Variants in PCDHGA5 observed in about 807,000 individuals in gnomAD.
PCDHGA5 encodes protocadherin gamma subfamily A, 5.
Under a neutral mutation model 56.7 loss-of-function variants are expected in PCDHGA5, and 36 were observed. That is an observed-to-expected ratio of 0.64 (90% confidence interval 0.49 to 0.84). The LOEUF (loss-of-function observed/expected upper bound fraction) is 0.84. PCDHGA5 is among the 40% of genes least tolerant of loss of function. The pLI is 0.00. For missense variants in PCDHGA5, 1,305 were observed against 1,201.5 expected, an observed-to-expected ratio of 1.09 and a Z score of -1.27; for synonymous variants, 563 against 520.2, an observed-to-expected ratio of 1.08 and a Z score of -1.12.
Position 141,489,941 on chromosome 5 carries a change from A to G in PCDHGA5, c.2422-4866A>G. Reference sequence around the variant, plus strand: ...ACCCTTATCTCTGTCATCGTGCTGGACATCAATGATAATGCTCCAACCTTC... The same window carrying G: ...ACCCTTATCTCTGTCATCGTGCTGGGCATCAATGATAATGCTCCAACCTTC... On this transcript the variant is annotated intron_variant, in intron 1 of 3. Transcript: ENST00000518069. The surrounding 1 kb of genome is among the most constrained non-coding windows in gnomAD (Gnocchi z 4.5). 1.2e-6 allele frequency: 2 copies of G among 1,614,228 alleles called. No homozygotes were observed. The highest frequency in any genetic ancestry group is 1.7e-6 in the Non-Finnish European group (2 of 1,180,034).
At chr5:141,381,831 T>C (rs1313642722) in intron 1 of PCDHGA5, among the ~76,000 whole-genome samples, 7 of 136,370 alleles carry the variant, frequency 5.1e-5, no homozygotes, top group African/African-American at 2.0e-4. Context: ...TTCTTCTTTT[T>C]TTTTTTTTTT....
chr5:141,372,816 T>C lies in PCDHGA5; in HGVS notation c.2421+6065T>C, dbSNP rs1480093678. The C allele has an allele frequency of 3.2e-6, 5 of 1,580,556 alleles. No homozygotes were observed. In the Admixed American group the frequency reaches 9.1e-5, roughly 29 times the overall value. On this transcript the variant is annotated intron_variant, in intron 1 of 3. Transcript: ENST00000518069. ...TTCAGGCAATTTGCAAAAGGTGAGTTTCTTCAAACCTTTCCTTCCATAAAT... is the reference window on the plus strand; with the variant it reads ...TTCAGGCAATTTGCAAAAGGTGAGTCTCTTCAAACCTTTCCTTCCATAAAT...
intron 2 of PCDHGA5, among the ~76,000 whole-genome samples, chr5:141,498,277 G>T (rs1216561939): frequency 6.6e-6 from 1 of 151,924 alleles, no homozygotes; most frequent in African/African-American, 2.4e-5. Flanking sequence ...CAGTAAACTT[G>T]GTTCAAGATC....
intron 1 of PCDHGA5, chr5:141,441,126 C>T (rs1319809408): frequency 6.6e-6 from 1 of 152,062 alleles, no homozygotes; most frequent in Non-Finnish European, 1.5e-5. Context: ...CAGTTGAGAC[C>T]GAATTTCTAG....
In PCDHGA5 at chr5:141,453,101, TTTTTG is replaced by T. The variant is rs879618609; in HGVS notation, c.2422-41681_2422-41677del. ...GTTGATTAGTATATTTTCTGTTGCT[TTTTTG>T]TTTTGTTTTGTTTTGTTTTGTTTTT... On this transcript the variant is annotated intron_variant, in intron 1 of 3. Transcript: ENST00000518069. 4.4e-4 allele frequency among the ~76,000 whole-genome samples: 67 copies of T among 152,130 alleles called. 1 individual carries two copies. Among genetic ancestry groups the T allele is most frequent in the African/African-American group, 1.4e-3 (58 of 41,484 alleles).
Position 141,485,598 on chromosome 5 carries a change from T to C in PCDHGA5, c.2422-9209T>C, listed in dbSNP as rs931717579. 25 of 1,612,028 alleles carry C rather than the reference T, an allele frequency of 1.6e-5. No individual in the cohort carries two copies. Among genetic ancestry groups the C allele is most frequent in the African/African-American group, 2.7e-5 (2 of 74,838 alleles). ...CCGCGGCAGCAGCTGGACTTGGAAA[T>C]TGGGGAGGCAGCTCCTCCAGGACAG... On this transcript the variant is annotated intron_variant, in intron 1 of 3. Transcript: ENST00000518069. This position sits in a 1 kb window ranked among gnomAD's most constrained non-coding sequence, Gnocchi z 5.7.
chr5:141,400,102 G>A (rs376189143), intron 1 of PCDHGA5: 2 of 1,614,084 alleles, frequency 1.2e-6, no homozygotes, highest in Non-Finnish European at 1.7e-6. Context: ...GCTGCACTTG[G>A]TCTTTGCTGA....
rs558609501 is a variant in PCDHGA5, at chr5:141,487,648, G to C, written c.2422-7159G>C. On this transcript the variant is annotated intron_variant, in intron 1 of 3. Coordinates refer to ENST00000518069, the MANE Select transcript of PCDHGA5 (RefSeq NM_018918.3). This position sits in a 1 kb window ranked among gnomAD's most constrained non-coding sequence, Gnocchi z 5.0. ...CTTTGCAGGCTCAACAAATGCTTGA[G>C]GGTTATTCTGATCCAGGCATATGGC... is the stretch of plus-strand genomic sequence containing the variant. 34 of 1,613,904 alleles carry C rather than the reference G, an allele frequency of 2.1e-5. 1 individual carries two copies. The South Asian group carries it at 3.6e-4, about 17-fold the overall frequency.
intron 1 of PCDHGA5, chr5:141,409,169 G>A (rs371896881): frequency 3.5e-5 from 56 of 1,613,906 alleles, no homozygotes; most frequent in Non-Finnish European, 4.2e-5. Flanking sequence ...GGAAGCGAAG[G>A]ACGGAGGTGG....
In PCDHGA5 at chr5:141,512,517, A is replaced by G. The variant is rs985434754; in HGVS notation, c.*1344A>G. ...GTCCCCAGTGCGCCCCCTAGTGGCC[A>G]TAGCCTGGTTAAAGTTCCCCAGTGC... On this transcript the variant is annotated 3_prime_UTR_variant, in exon 4 of 4. Coordinates refer to ENST00000518069, the MANE Select transcript of PCDHGA5 (RefSeq NM_018918.3). 3 of 152,938 alleles carry G rather than the reference A, an allele frequency of 2.0e-5. No individual in the cohort carries two copies. Among genetic ancestry groups the G allele is most frequent in the African/African-American group, 7.2e-5 (3 of 41,464 alleles). 9.5% of individuals were successfully genotyped at this position (152,938 alleles called of 1,614,324 possible).
In PCDHGA5 at chr5:141,502,866, C is replaced by CT. The variant is rs549047197; in HGVS notation, c.2481-2513dup. ...GAGCTGCCTAACCCTGACTCTCTGT[C>CT]TTTTTTTTTTTTTTGACAGGGAGTC... On this transcript the variant is annotated intron_variant, in intron 2 of 3. Transcript: ENST00000518069. Among the ~76,000 whole-genome samples, 1,216 of 127,988 alleles carry CT rather than the reference C, an allele frequency of 9.5e-3. 34 individuals are homozygous for CT. Among genetic ancestry groups the CT allele is most frequent in the Non-Finnish European group, 0.015 (955 of 62,394 alleles). The allele number at this position is 127,988 out of a possible 152,430, so 84.0% of individuals were successfully genotyped here.
chr5:141,370,879 T>G lies in PCDHGA5; in HGVS notation c.2421+4128T>G, dbSNP rs760679770. 18 of 1,613,950 alleles carry G rather than the reference T, an allele frequency of 1.1e-5. No individual in the cohort carries two copies. The highest frequency in any genetic ancestry group is 1.4e-5 in the Non-Finnish European group (17 of 1,179,914). On this transcript the variant is annotated intron_variant, in intron 1 of 3. Coordinates refer to ENST00000518069, the MANE Select transcript of PCDHGA5 (RefSeq NM_018918.3). ...CTGGAATCTGCGCAAGATCCTGATGTAGGTGTCAATTCGCTGCAGCAGTAC... is the reference window on the plus strand; with the variant it reads ...CTGGAATCTGCGCAAGATCCTGATGGAGGTGTCAATTCGCTGCAGCAGTAC...
At chr5:141,443,792 A>G (rs540226154) in intron 1 of PCDHGA5, among the ~76,000 whole-genome samples, 67 of 152,366 alleles carry the variant, frequency 4.4e-4, no homozygotes, top group African/African-American at 1.4e-3. Flanking sequence ...AAAAAAAATG[A>G]AAAGGAAACA....
At position 141,398,766 on chromosome 5, in the gene PCDHGA5, T is replaced by A. The variant is rs775055352; in HGVS notation, c.2421+32015T>A. On this transcript the variant is annotated intron_variant, in intron 1 of 3. Coordinates refer to ENST00000518069, the MANE Select transcript of PCDHGA5 (RefSeq NM_018918.3). ...AGAGTTACCATCGTTTAGTCCTGACTGCCTTGGACGGTGGACATCCACCCC... is the reference window on the plus strand; with the variant it reads ...AGAGTTACCATCGTTTAGTCCTGACAGCCTTGGACGGTGGACATCCACCCC... 2.1e-5 allele frequency: 34 copies of A among 1,613,844 alleles called. 1 individual carries two copies. In the South Asian group the frequency reaches 3.1e-4, roughly 15 times the overall value.
chr5:141,398,597 C>A (rs986852077), intron 1 of PCDHGA5: 4 of 1,614,006 alleles, frequency 2.5e-6, no homozygotes, highest in Non-Finnish European at 3.4e-6. Flanking sequence ...CTAGAAGTAG[C>A]AGAAGATGCA....
chr5:141,423,405 G>T (rs1444037259), intron 1 of PCDHGA5: 1 of 1,614,154 alleles, frequency 6.2e-7, no homozygotes, highest in African/African-American at 1.3e-5. Context: ...CACGCCTGCT[G>T]CAGGCTTCTG....
intron 1 of PCDHGA5, chr5:141,409,073 A>G (rs200127436): frequency 6.2e-7 from 1 of 1,613,866 alleles, no homozygotes. Context: ...CACAAAACAT[A>G]TGTTCTCATT....
chr5:141,423,484 A>G, intron 1 of PCDHGA5: 1 of 1,613,722 alleles, frequency 6.2e-7, no homozygotes, highest in Non-Finnish European at 8.5e-7. Flanking sequence ...TTTCCTGCAA[A>G]CCTATTCCCA....
intron 1 of PCDHGA5, chr5:141,390,026 A>G (rs1442754847): frequency 1.2e-6 from 2 of 1,613,826 alleles, no homozygotes; most frequent in Admixed American, 1.7e-5. Flanking sequence ...TGCGCCTGCG[A>G]CGCTCCTCCA....
Sources: gnomAD v4.1 joint callset for allele counts (sites outside exome capture counted in the v4.1 genomes callset) on GRCh38, gnomAD v4.1.1 for gene constraint, Gnocchi (gnomAD v3.1) non-coding constraint, MANE v1.5 for transcripts, NCBI Gene and HGNC (gene_info 2026-07-23, HGNC 2026-07-21) for gene names.